NCOR2: variants seen among roughly 807,000 people sequenced by gnomAD.
NCOR2 encodes CTG repeat protein 26.
NCOR2 carries 81 observed loss-of-function variants against 262.9 expected under a neutral mutation model. The ratio of observed to expected loss-of-function variants is 0.31; its 90% CI spans 0.26 to 0.37. NCOR2 has a LOEUF of 0.37. NCOR2 is among the 10% of genes least tolerant of loss of function. The probability of loss-of-function intolerance (pLI) is 1.00; values close to 1 mark genes in which losing one functional copy is unlikely to be tolerated. For missense variants in NCOR2, 3,385 were observed against 3,621.4 expected (o/e 0.93, Z 1.68); for synonymous variants, 1,659 against 1,559.3 (o/e 1.06, Z -1.51).
At chr12:124,423,572 G>A (rs10846672) in intron 11 of NCOR2, among the ~76,000 whole-genome samples, 72,452 of 152,192 alleles carry the variant, frequency 0.48, 19,536 homozygotes, top group Non-Finnish European at 0.59. Flanking sequence ...ACCTCGGGCG[G>A]CTGGCAAGGC....
chr12:124,491,978 G>A (rs1304351904), intron 1 of NCOR2, among the ~76,000 whole-genome samples: 3 of 152,182 alleles, frequency 2.0e-5, no homozygotes, highest in African/African-American at 7.2e-5. Flanking sequence ...GCTGAGTCAG[G>A]GAACCTGGGG....
At chr12:124,439,285 AGAG>A in intron 7 of NCOR2, among the ~76,000 whole-genome samples, 1 of 106,280 alleles carries the variant, frequency 9.4e-6, no homozygotes, top group Non-Finnish European at 2.1e-5. Context: ...ACAGAGGGAG[AGAG>A]AGACCCAGAG....
At chr12:124,394,686 G>A (rs138631560) in intron 16 of NCOR2, among the ~76,000 whole-genome samples, 2,770 of 152,274 alleles carry the variant, frequency 0.018, 40 homozygotes, top group Non-Finnish European at 0.026. Flanking sequence ...GCCAGGGGCT[G>A]GGGGAGGCAA....
rs1481131985 is a variant in NCOR2 at position 124,548,850 on chromosome 12, A to T, written c.-164-13239T>A. ...AGTCCAAATACTAGCTGTTTCTTAA[A>T]TGTCACTCTCCTCTCCCCCCAGCAC... On this transcript the variant is annotated intron_variant, in intron 1 of 32. Coordinates refer to the NCOR2 transcript ENST00000458234. The surrounding 1 kb of genome is among the most constrained non-coding windows in gnomAD (Gnocchi z 5.1). Among the ~76,000 whole-genome samples, 1 of 151,970 alleles carries T rather than the reference A, an allele frequency of 6.6e-6. No homozygotes were observed. Among genetic ancestry groups the T allele is most frequent in the Non-Finnish European group, 1.5e-5 (1 of 68,002 alleles).
intron 7 of NCOR2, among the ~76,000 whole-genome samples, chr12:124,439,027 AGAGAGAGAGAGATGGAGACCCT>A (rs1715005850): frequency 1.4e-5 from 2 of 143,330 alleles, no homozygotes; most frequent in Admixed American, 1.4e-4. Context: ...ACAGAGACCC[AGAGAGAGAGAGATGGAGACCCT>A]GAGACAGAGG....
At chr12:124,428,009 CCTGAGGACT>C (rs1312503884) in intron 10 of NCOR2, among the ~76,000 whole-genome samples, 1 of 147,768 alleles carries the variant, frequency 6.8e-6, no homozygotes, top group Non-Finnish European at 1.5e-5. Flanking sequence ...CCTTGATGTC[CCTGAGGACT>C]CTGATGACTG....
At chr12:124,542,684 C>T (rs2051410859) in intron 1 of NCOR2, 1 of 152,424 alleles carries the variant, frequency 6.6e-6, no homozygotes, top group Admixed American at 6.5e-5. Flanking sequence ...TTGGGGACTT[C>T]CAGCACAGCA....
intron 1 of NCOR2, among the ~76,000 whole-genome samples, chr12:124,521,166 C>G (rs12822442): frequency 0.25 from 38,128 of 152,122 alleles, 4,958 homozygotes; most frequent in African/African-American, 0.32. Flanking sequence ...CGCAGCTACG[C>G]TTCAGCATCC....
intron 1 of NCOR2, among the ~76,000 whole-genome samples, chr12:124,541,952 G>T (rs939345201): frequency 2.0e-5 from 3 of 150,310 alleles, no homozygotes; most frequent in African/African-American, 7.4e-5. Context: ...GGAAGGGGAT[G>T]GGGGCTGTGT....
intron 19 of NCOR2, among the ~76,000 whole-genome samples, chr12:124,373,976 T>C (rs906736084): frequency 6.6e-6 from 1 of 151,798 alleles, no homozygotes; most frequent in Non-Finnish European, 1.5e-5. Flanking sequence ...CGATCTGTGC[T>C]GGCGGAGTGG....
chr12:124,510,566 C>G (rs1481153520), intron 1 of NCOR2, among the ~76,000 whole-genome samples: 1 of 152,232 alleles, frequency 6.6e-6, no homozygotes, highest in Non-Finnish European at 1.5e-5. Flanking sequence ...AAGGGCACAG[C>G]CTGGATGCAA....
At chr12:124,395,765 G>A (rs891440923) in intron 16 of NCOR2, among the ~76,000 whole-genome samples, 3 of 152,182 alleles carry the variant, frequency 2.0e-5, no homozygotes, top group East Asian at 3.9e-4. Flanking sequence ...ATGGAGAGGC[G>A]GTGGGACCCT....
chr12:124,439,727 AAG>A (rs1303879931), intron 7 of NCOR2, among the ~76,000 whole-genome samples: 3 of 149,154 alleles, frequency 2.0e-5, no homozygotes, highest in Non-Finnish European at 3.0e-5. Flanking sequence ...AGAGATGAGA[AAG>A]AGAGGATCAG....
intron 13 of NCOR2, among the ~76,000 whole-genome samples, chr12:124,415,833 C>T (rs1464404755): frequency 3.3e-5 from 5 of 152,068 alleles, no homozygotes; most frequent in African/African-American, 1.2e-4. Flanking sequence ...AGGGCTTCCC[C>T]GGTGCCCCAG....
At chr12:124,477,995 A>G (rs955748047) in intron 3 of NCOR2, among the ~76,000 whole-genome samples, 1 of 152,108 alleles carries the variant, frequency 6.6e-6, no homozygotes, top group African/African-American at 2.4e-5. Context: ...CACTCCCAAT[A>G]CACCCCCTAC....
chr12:124,468,330 A>C (rs1593686253), intron 4 of NCOR2, among the ~76,000 whole-genome samples: 1 of 21,276 alleles, frequency 4.7e-5, no homozygotes, highest in African/African-American at 1.4e-4. Flanking sequence ...CACCCTCATC[A>C]TCCTCATCCT....
chr12:124,467,255 C>T (rs1426145475), intron 4 of NCOR2, among the ~76,000 whole-genome samples: 1 of 15,908 alleles, frequency 6.3e-5, no homozygotes, highest in African/African-American at 1.8e-4. Flanking sequence ...CCCCATCACC[C>T]CCATTATCCT....
intron 14 of NCOR2, 28 bp from the exon 17 acceptor site, chr12:124,400,701 G>T: frequency 6.2e-7 from 1 of 1,607,832 alleles, no homozygotes; most frequent in Admixed American, 1.7e-5. Flanking sequence ...GAGATAGGAT[G>T]GCTTCACCCG....
At chr12:124,428,044 A>AGTGTGTGTGTGTGTGTGTGTGTGTGT (rs55965573) in intron 10 of NCOR2, among the ~76,000 whole-genome samples, 2,164 of 112,396 alleles carry the variant, frequency 0.019, 177 homozygotes, top group East Asian at 0.027. Context: ...CCATGTGGCC[A>AGTGTGTGTGTGTGTGTGTGTGTGTGT]GTGTGTGTGT....
Sources: allele counts gnomAD v4.1 joint callset (sites outside exome capture counted in the v4.1 genomes callset), GRCh38; gene constraint gnomAD v4.1.1; non-coding constraint Gnocchi (gnomAD v3.1); transcripts MANE v1.5; gene names NCBI Gene and HGNC (gene_info 2026-07-23, HGNC 2026-07-21).